NCKAP5: variants seen among roughly 807,000 people sequenced by gnomAD.
NCKAP5 encodes the protein nck-associated protein 5.
In NCKAP5, 92 loss-of-function variants were observed where a neutral mutation model predicts 167.0. That is an observed-to-expected ratio of 0.55 (90% CI 0.47 to 0.66). The LOEUF (loss-of-function observed/expected upper bound fraction) is 0.66. NCKAP5 is among the 30% of genes least tolerant of loss of function. The probability of loss-of-function intolerance (pLI) is 0.00; values close to 1 mark genes in which losing one functional copy is unlikely to be tolerated. For missense variants in NCKAP5, 2,378 were observed against 2,315.0 expected (o/e 1.03, Z -0.56); for synonymous variants, 891 against 877.4 (o/e 1.02, Z -0.27).
chr2:133,214,216 A>G (rs1006103445), intron 4 of NCKAP5, among the ~76,000 whole-genome samples: 4 of 152,212 alleles, frequency 2.6e-5, no homozygotes, highest in Non-Finnish European at 5.9e-5. Context: ...TAACAATAGA[A>G]AATCATTTGC....
At chr2:132,727,014 G>T (rs1158254148) in intron 18 of NCKAP5, among the ~76,000 whole-genome samples, 1 of 152,206 alleles carries the variant, frequency 6.6e-6, no homozygotes, top group African/African-American at 2.4e-5. Flanking sequence ...CATCGTGCCA[G>T]GTACTAGAAA....
At chr2:133,484,751 T>C (rs1680756075) in intron 3 of NCKAP5, among the ~76,000 whole-genome samples, 1 of 152,160 alleles carries the variant, frequency 6.6e-6, no homozygotes. Context: ...GAAATATAAA[T>C]GAAGTTGGGT....
At chr2:132,866,378 T>C (rs1408861107) in intron 10 of NCKAP5, among the ~76,000 whole-genome samples, 1 of 152,226 alleles carries the variant, frequency 6.6e-6, no homozygotes, top group Non-Finnish European at 1.5e-5. Context: ...TTCGCACTTG[T>C]AGACTTGGAC....
rs1176731938 is a variant in NCKAP5, at chr2:133,116,487, CAAAAAAAAAAAAAA to C, written c.341+13477_341+13490del. On this transcript the variant is annotated intron_variant, in intron 6 of 19. Coordinates refer to ENST00000409261, the MANE Select transcript of NCKAP5 (RefSeq NM_207363.3). Reference sequence around the variant, plus strand: ...TGGGCGACAGAGCGAGACTCCGTCTCAAAAAAAAAAAAAAAAAAAAAAAAAAAAAGAAAAATTTG... The same window carrying C: ...TGGGCGACAGAGCGAGACTCCGTCTCAAAAAAAAAAAAAAAGAAAAATTTG... Among the ~76,000 whole-genome samples the C allele has an allele frequency of 9.6e-3, 69 of 7,152 alleles. 16 individuals are homozygous for C. In the East Asian group the frequency reaches 0.31, roughly 32 times the overall value. 4.7% of individuals were successfully genotyped at this position (7,152 alleles called of 152,430 possible).
intron 7 of NCKAP5, among the ~76,000 whole-genome samples, chr2:132,988,184 CAT>C (rs1274216077): frequency 2.0e-5 from 3 of 152,122 alleles, no homozygotes; most frequent in Non-Finnish European, 2.9e-5. Context: ...TGGTTTAGCA[CAT>C]GTTTCAATCA....
intron 1 of NCKAP5, among the ~76,000 whole-genome samples, chr2:133,567,701 T>TGTGTGTGTGTGTGTG (rs879405003): frequency 2.9e-5 from 2 of 68,738 alleles, no homozygotes; most frequent in Non-Finnish European, 6.2e-5. Context: ...GTGTGTGTGT[T>TGTGTGTGTGTGTGTG]TGGGGAGAGA....
In NCKAP5 at chr2:133,321,772, C is replaced by A. The variant is rs563858317; in HGVS notation, c.70-18662G>T. ...TCTTGCTAAAGCTCAAGCTCAATAA[C>A]CCAATATTCCCTAGCCACATACAAT... On this transcript the variant is annotated intron_variant, in intron 3 of 19. Transcript: ENST00000409261. Among the ~76,000 whole-genome samples, 131 of 152,252 alleles carry A rather than the reference C, an allele frequency of 8.6e-4. 1 individual carries two copies. Among genetic ancestry groups the A allele is most frequent in the Non-Finnish European group, 7.8e-4 (53 of 68,026 alleles).
chr2:133,051,408 G>T lies in NCKAP5; in HGVS notation c.342-57169C>A, dbSNP rs530044776. Among the ~76,000 whole-genome samples, 41 of 152,214 alleles carry T rather than the reference G, an allele frequency of 2.7e-4. No homozygotes were observed. In the Middle Eastern group the frequency reaches 0.017, roughly 63 times the overall value. On this transcript the variant is annotated intron_variant, in intron 6 of 19. Transcript: ENST00000409261. ...CAGAAATTATTTTTCATCTCATTTTGCCAGATGAAACATTTAGTTAAAGGG... is the reference window on the plus strand; with the variant it reads ...CAGAAATTATTTTTCATCTCATTTTTCCAGATGAAACATTTAGTTAAAGGG...
chr2:133,368,485 T>C (rs955202923), intron 3 of NCKAP5, among the ~76,000 whole-genome samples: 1 of 152,224 alleles, frequency 6.6e-6, no homozygotes, highest in Non-Finnish European at 1.5e-5. Flanking sequence ...ACAGAACTCT[T>C]TACTCTTGGT....
chr2:133,544,346 T>C lies in NCKAP5; in HGVS notation c.-62+14704A>G, dbSNP rs1686479293. 3.9e-5 allele frequency among the ~76,000 whole-genome samples: 6 copies of C among 152,206 alleles called. 1 individual carries two copies. The highest frequency in any genetic ancestry group is 3.9e-4 in the Admixed American group (6 of 15,282). On this transcript the variant is annotated intron_variant, in intron 2 of 19. Coordinates refer to ENST00000409261, the MANE Select transcript of NCKAP5 (RefSeq NM_207363.3). ...TTTTTAAAAAGTAATCATGAATATC[T>C]TCTTAAAGTAAAAAGTTAAAATTAT...
chr2:132,836,589 T>A (rs2105394930), intron 11 of NCKAP5, among the ~76,000 whole-genome samples: 1 of 152,270 alleles, frequency 6.6e-6, no homozygotes, highest in South Asian at 2.1e-4. Flanking sequence ...ACAGGTGGTA[T>A]TTGGTTACGT....
At chr2:132,951,278 G>A (rs923177280) in intron 8 of NCKAP5, among the ~76,000 whole-genome samples, 1 of 152,156 alleles carries the variant, frequency 6.6e-6, no homozygotes, top group Non-Finnish European at 1.5e-5. Context: ...TGTAACTAAG[G>A]CGTTCCAATT....
At chr2:133,065,774 G>A (rs937799712) in intron 6 of NCKAP5, among the ~76,000 whole-genome samples, 3 of 152,154 alleles carry the variant, frequency 2.0e-5, no homozygotes, top group African/African-American at 4.8e-5. Flanking sequence ...CTATGGCCAC[G>A]TCACTGAGAG....
At chr2:133,538,467 C>T (rs1379387650) in intron 2 of NCKAP5, among the ~76,000 whole-genome samples, 1 of 151,746 alleles carries the variant, frequency 6.6e-6, no homozygotes, top group African/African-American at 2.4e-5. Context: ...AAAAATCTTC[C>T]ATAAAATAAT....
intron 4 of NCKAP5, among the ~76,000 whole-genome samples, chr2:133,279,219 G>A (rs769494804): frequency 5.3e-5 from 8 of 152,240 alleles, no homozygotes; most frequent in South Asian, 4.1e-4. Context: ...GTTTATTGCC[G>A]CACTATCACT....
At chr2:132,963,365 TAGTC>T (rs1400990393) in intron 8 of NCKAP5, among the ~76,000 whole-genome samples, 2 of 152,186 alleles carry the variant, frequency 1.3e-5, no homozygotes, top group South Asian at 2.1e-4. Context: ...ATATTTTGCT[TAGTC>T]ATTCATTCAT....
At position 133,135,019 on chromosome 2, in the gene NCKAP5, A is replaced by G. The variant is rs75812163; in HGVS notation, c.208-4908T>C. On this transcript the variant is annotated intron_variant, in intron 5 of 19. Transcript: ENST00000409261. ...TGCTATGTGCCAAACACTGAACTAG[A>G]GATGGAAACCAACAATGAGTCAAAT... is the stretch of plus-strand genomic sequence containing the variant. Among the ~76,000 whole-genome samples the G allele has an allele frequency of 1.2e-3, 176 of 152,336 alleles. 1 individual carries two copies. Among genetic ancestry groups the G allele is most frequent in the African/African-American group, 3.9e-3 (161 of 41,582 alleles).
chr2:133,227,770 A>G (rs78985487), intron 4 of NCKAP5, among the ~76,000 whole-genome samples: 2,795 of 152,242 alleles, frequency 0.018, 79 homozygotes, highest in African/African-American at 0.063. Flanking sequence ...TATCCTGTTT[A>G]GATTCTTCTT....
chr2:133,462,792 C>G (rs1414776156), intron 3 of NCKAP5, among the ~76,000 whole-genome samples: 1 of 152,082 alleles, frequency 6.6e-6, no homozygotes, highest in Non-Finnish European at 1.5e-5. Flanking sequence ...GACTGAGAAC[C>G]TCACAAGCCA....
Sources: allele counts gnomAD v4.1 joint callset (sites outside exome capture counted in the v4.1 genomes callset), GRCh38; gene constraint gnomAD v4.1.1; transcripts MANE v1.5; gene names NCBI Gene and HGNC (gene_info 2026-07-23, HGNC 2026-07-21).